The following ANO9 variants were observed in gnomAD, a reference collection of about 807,000 sequenced individuals.
ANO9 encodes anoctamin 9.
ANO9 carries 80 observed loss-of-function variants against 100.5 expected under a neutral mutation model. The observed-to-expected ratio is 0.80, with a 90% CI of 0.66 to 0.96. The LOEUF is 0.96. Ranked by LOEUF, ANO9 falls within the 40% of genes least tolerant of loss-of-function variation. The pLI is 0.00. For missense variants in ANO9, 1,064 were observed against 1,072.7 expected (o/e 0.99, Z 0.11); for synonymous variants, 473 against 435.6 (o/e 1.09, Z -1.07).
At chr11:436,071 T>A (rs1455947675) in intron 1 of ANO9, among the ~76,000 whole-genome samples, 2 of 143,130 alleles carry the variant, frequency 1.4e-5, no homozygotes, top group African/African-American at 5.2e-5. Context: ...TCCTTTTTTT[T>A]TTTTTTTTTT....
intron 22 of ANO9, 33 bp from the exon 23 acceptor site, chr11:418,622 C>A: frequency 6.2e-7 from 1 of 1,611,328 alleles, no homozygotes; most frequent in South Asian, 1.1e-5. Context: ...CCAGCACGGT[C>A]AGGTGCCAGC....
intron 15 of ANO9, among the ~76,000 whole-genome samples, chr11:425,996 T>G (rs1195793686): frequency 6.6e-6 from 1 of 152,090 alleles, no homozygotes; most frequent in Non-Finnish European, 1.5e-5. Flanking sequence ...CCTCCCAAAG[T>G]GCTGAGATGA....
In ANO9 at chr11:419,734, A is replaced by G. The variant is rs1328927664; in HGVS notation, c.1787-5T>C. On this transcript the variant is annotated splice_region_variant and splice_polypyrimidine_tract_variant and intron_variant, in intron 19 of 22. Coordinates refer to ENST00000332826, the MANE Select transcript of ANO9 (RefSeq NM_001012302.3). ...CCAGCACCTGCAGCCAGGTCCCTGC[A>G]CCAGAGCAGTGGGCAAGCGGTCTGA... 5 of 1,612,396 alleles carry G rather than the reference A, an allele frequency of 3.1e-6. No homozygotes were observed. The African/African-American group carries it at 4.0e-5, about 13-fold the overall frequency.
At chr11:428,337 G>A (rs1848649907) in intron 14 of ANO9, 21 bp downstream of exon 14, 2 of 1,612,332 alleles carry the variant, frequency 1.2e-6, no homozygotes, top group Non-Finnish European at 1.7e-6. Context: ...CCCCCAAGAG[G>A]GTCTGGGGTA....
rs1848184345 is a variant in ANO9, at chr11:421,445, A to G, written c.1335-247T>C. Among the ~76,000 whole-genome samples the G allele has an allele frequency of 8.0e-6, 1 of 125,216 alleles. No homozygotes were observed. The highest frequency in any genetic ancestry group is 1.7e-5 in the Non-Finnish European group (1 of 59,634). The allele number at this position is 125,216 out of a possible 152,430, so 82.1% of individuals were successfully genotyped here. The stretch of plus-strand genomic sequence containing the variant: ...CGCACCCACACGTGGGCGCGCGCAC[A>G]CACACACACACCCCCACACAGGGGA... On this transcript the variant is annotated intron_variant, in intron 15 of 22. Coordinates refer to ENST00000332826, the MANE Select transcript of ANO9 (RefSeq NM_001012302.3). The surrounding 1 kb of genome is among the most constrained non-coding windows in gnomAD (Gnocchi z 6.8).
In ANO9 at chr11:421,746, C is replaced by T. The variant is rs1381977721; in HGVS notation, c.1335-548G>A. 5.3e-5 allele frequency among the ~76,000 whole-genome samples: 8 copies of T among 152,312 alleles called. No homozygotes were observed. In the South Asian group the frequency reaches 6.2e-4, roughly 12 times the overall value. ...TCGGTTTCTCCCCGTGGAAACGGCA[C>T]GATGGGTTATTTTGTGTTTAAAATC... is the stretch of plus-strand genomic sequence containing the variant. On this transcript the variant is annotated intron_variant, in intron 15 of 22. Transcript: ENST00000332826. This position sits in a 1 kb window ranked among gnomAD's most constrained non-coding sequence, Gnocchi z 6.8.
rs774658150 is a variant in ANO9, at chr11:441,953, G to C, written c.-27C>G. 4.4e-6 allele frequency: 7 copies of C among 1,604,730 alleles called. No individual in the cohort carries two copies. The highest frequency in any genetic ancestry group is 5.9e-6 in the Non-Finnish European group (7 of 1,178,776). On this transcript the variant is annotated 5_prime_UTR_variant, in exon 1 of 23. Transcript: ENST00000332826. ...CTGGCTGTGGCCGGAGTTCCAGCTG[G>C]GGTTTGGCGGCCAGGAGAGTGGCTG...
At chr11:419,432 C>A (rs1024428470) in intron 20 of ANO9, 150 bp downstream of exon 20, 1 of 1,435,540 alleles carries the variant, frequency 7.0e-7, no homozygotes, top group Middle Eastern at 2.5e-4. Context: ...GGGCGCAGGG[C>A]AGGGGCCACC....
chr11:420,823 C>T lies in ANO9; in HGVS notation c.1528G>A (p.Glu510Lys), dbSNP rs1465205857. Residue 510 changes from glutamate to lysine, a missense_variant, in exon 18 of 23, where the codon GAG becomes AAG. Glu to Lys is a moderately conservative substitution (Grantham distance 56). Coordinates refer to ENST00000332826, the MANE Select transcript of ANO9 (RefSeq NM_001012302.3). ...THKCRSLRAS[E>K]SGHLPRDPEL... is the part of the protein sequence containing the mutation. ...GGGTCCCGGGGCAGGTGCCCGGACTCGGAGGCCCGCAGAGAGCGGCACTTG... is the reference window on the plus strand; with the variant it reads ...GGGTCCCGGGGCAGGTGCCCGGACTTGGAGGCCCGCAGAGAGCGGCACTTG... 3.1e-6 allele frequency: 5 copies of T among 1,591,454 alleles called. No individual in the cohort carries two copies. Among genetic ancestry groups the T allele is most frequent in the East Asian group, 4.5e-5 (2 of 44,198 alleles).
chr11:441,157 C>T (rs531532459), intron 1 of ANO9, among the ~76,000 whole-genome samples: 26 of 152,184 alleles, frequency 1.7e-4, no homozygotes, highest in African/African-American at 6.0e-4. Context: ...GCAGCCCACA[C>T]GTGGAGGCCC....
In ANO9 at chr11:420,864, C is replaced by A; in HGVS notation, c.1491-4G>T. ...GCGGCACTTGTGGGTCACCCACCTG[C>A]GGGGAGAGCTGCGTGGCAGGGAGGG... is the stretch of plus-strand genomic sequence containing the variant. On this transcript the variant is annotated splice_region_variant and splice_polypyrimidine_tract_variant and intron_variant, in intron 17 of 22. Coordinates refer to ENST00000332826, the MANE Select transcript of ANO9 (RefSeq NM_001012302.3). 6.3e-7 allele frequency: 1 copy of A among 1,588,464 alleles called. No homozygotes were observed. The highest frequency in any genetic ancestry group is 8.5e-7 in the Non-Finnish European group (1 of 1,170,194).
chr11:434,712 G>A (rs1288872929), intron 1 of ANO9, among the ~76,000 whole-genome samples: 2 of 152,228 alleles, frequency 1.3e-5, no homozygotes, highest in Non-Finnish European at 2.9e-5. Context: ...AGCAGGCAAG[G>A]TGAGTGCCCG....
At chr11:433,208 T>C (rs757303074) in intron 4 of ANO9, 106 bp downstream of exon 4, 20 of 1,466,820 alleles carry the variant, frequency 1.4e-5, no homozygotes, top group Non-Finnish European at 1.8e-5. Flanking sequence ...ACGGCTGTCC[T>C]GCCTTGGCGA....
intron 3 of ANO9, 147 bp downstream of exon 3, chr11:433,668 A>G (rs1169686921): frequency 4.8e-5 from 68 of 1,420,874 alleles, no homozygotes; most frequent in Non-Finnish European, 1.0e-5. Flanking sequence ...CCCAGGAGAG[A>G]GCCTCCAAGC....
In ANO9 at chr11:428,532, C is replaced by T. The variant is rs765441180; in HGVS notation, c.1128G>A (p.Thr376=). The change falls in exon 13 of 23, where the codon ACG becomes ACA. Residue 376 remains threonine, a synonymous_variant. Coordinates refer to ENST00000332826, the MANE Select transcript of ANO9 (RefSeq NM_001012302.3). ...CCAGAGCCCCGGTCACCACCACGGC[C>T]GTGGTCACCTGCTCCTCCAGGAAGG... ...AVPFLEEQVT[T]AVVVTGALVH... 1.2e-5 allele frequency: 19 copies of T among 1,612,588 alleles called. No homozygotes were observed. Among genetic ancestry groups the T allele is most frequent in the African/African-American group, 8.0e-5 (6 of 74,936 alleles).
In ANO9 at chr11:429,703, G is replaced by A. The variant is rs779381863; in HGVS notation, c.833-51C>T. 35 of 1,612,196 alleles carry A rather than the reference G, an allele frequency of 2.2e-5. No individual in the cohort carries two copies. In the South Asian group the frequency reaches 2.4e-4, roughly 11 times the overall value. ...CACTGCACTACGCCAGGTGGACCTCGGAGCTTGGGCTGGCACTTCCCCTGG... is the reference window on the plus strand; with the variant it reads ...CACTGCACTACGCCAGGTGGACCTCAGAGCTTGGGCTGGCACTTCCCCTGG... On this transcript the variant is annotated intron_variant, in intron 10 of 22. Coordinates refer to ENST00000332826, the MANE Select transcript of ANO9 (RefSeq NM_001012302.3).
chr11:436,120 T>G (rs917698700), intron 1 of ANO9, among the ~76,000 whole-genome samples: 12 of 136,822 alleles, frequency 8.8e-5, no homozygotes, highest in African/African-American at 3.1e-4. Context: ...TAGGCTGGAG[T>G]GCAGTGGTAC....
chr11:433,228 C>G (rs1849161877), intron 4 of ANO9, 86 bp downstream of exon 4: 6 of 1,518,850 alleles, frequency 4.0e-6, no homozygotes, highest in Non-Finnish European at 5.3e-6. Context: ...ACGCCTGGAG[C>G]CTGGCACTGT....
In ANO9 at chr11:433,362, G is replaced by A. The variant is rs140611251; in HGVS notation, c.302C>T (p.Ala101Val). Residue 101 changes from alanine (A) to valine (V), a missense_variant, in exon 4 of 23, where the codon GCC becomes GTC. Ala to Val is a moderately conservative substitution (Grantham distance 64, BLOSUM62 0). Transcript: ENST00000332826. ...CGGCGCGGCCAGCTCGGCGTGGGGG[G>A]CAGGCCCCTCAGGCTCCAGGAGGAG... ...RTLLLEPEGPAPHAELAAPTT... is the reference protein window; with the variant it reads ...RTLLLEPEGPVPHAELAAPTT... 19 of 1,612,902 alleles carry A rather than the reference G, an allele frequency of 1.2e-5. No individual in the cohort carries two copies. The highest frequency in any genetic ancestry group is 6.7e-5 in the African/African-American group (5 of 74,898).
Sources: gnomAD v4.1 joint callset for allele counts (sites outside exome capture counted in the v4.1 genomes callset) on GRCh38, gnomAD v4.1.1 for gene constraint, Gnocchi (gnomAD v3.1) non-coding constraint, MANE v1.5 for transcripts, NCBI Gene and HGNC (gene_info 2026-07-23, HGNC 2026-07-21) for gene names.